The following FTCDNL1 variants were observed in gnomAD, a reference collection of about 807,000 sequenced individuals.
FTCDNL1 encodes the protein formiminotransferase N-terminal subdomain-containing protein.
A neutral mutation model predicts 5.9 loss-of-function variants in FTCDNL1; 11 were observed. The ratio of observed to expected loss-of-function variants is 1.87; its 90% confidence interval spans 1.18 to 3.10. The LOEUF (loss-of-function observed/expected upper bound fraction) is 3.10. FTCDNL1 is among the 30% of genes most tolerant of loss of function. FTCDNL1 has a pLI of 0.00. For missense variants in FTCDNL1, 115 were observed against 65.5 expected (o/e 1.76, Z -2.61); for synonymous variants, 58 against 24.8 (o/e 2.34, Z -3.99).
intron 3 of FTCDNL1, among the ~76,000 whole-genome samples, chr2:199,835,483 G>A (rs1559237204): frequency 2.0e-5 from 3 of 151,900 alleles, no homozygotes; most frequent in Admixed American, 1.3e-4. Flanking sequence ...TGAGTCTCCC[G>A]AGAAGCACAC....
chr2:199,816,145 T>G (rs553968080), intron 4 of FTCDNL1, among the ~76,000 whole-genome samples: 1 of 152,354 alleles, frequency 6.6e-6, no homozygotes, highest in East Asian at 1.9e-4. Context: ...TATTAGAAAC[T>G]AATTGTTTAT....
the FTCDNL1 span, among the ~76,000 whole-genome samples, chr2:199,721,521 A>C: frequency 1.3e-5 from 2 of 152,160 alleles, no homozygotes. Context: ...CATCCAGTCT[A>C]TCATTAATGG....
the FTCDNL1 span, among the ~76,000 whole-genome samples, chr2:199,692,806 T>C: frequency 6.6e-6 from 1 of 152,204 alleles, no homozygotes; most frequent in Admixed American, 6.5e-5. Context: ...GATGAGTTAG[T>C]AATACAGCTG....
At position 199,771,123 on chromosome 2, in the gene FTCDNL1, G is replaced by A. The variant is rs569918218; in HGVS notation, c.212-10288C>T. On this transcript the variant is annotated intron_variant, in intron 3 of 3. Coordinates refer to the FTCDNL1 transcript ENST00000416668. ...TTCTGATAGAGAATGACAGGCATGC[G>A]CATTCATGGATTAGCCACCTTAGTT... Among the ~76,000 whole-genome samples, 134 of 152,296 alleles carry A rather than the reference G, an allele frequency of 8.8e-4. 1 individual carries two copies. Among genetic ancestry groups the A allele is most frequent in the African/African-American group, 3.0e-3 (124 of 41,574 alleles).
chr2:199,712,462 A>G, the FTCDNL1 span, among the ~76,000 whole-genome samples: 1 of 152,342 alleles, frequency 6.6e-6, no homozygotes, highest in Non-Finnish European at 1.5e-5. Context: ...GTACTGTTCA[A>G]TTCTCCAGCT....
At chr2:199,716,992 T>A in the FTCDNL1 span, among the ~76,000 whole-genome samples, 1 of 151,840 alleles carries the variant, frequency 6.6e-6, no homozygotes, top group Non-Finnish European at 1.5e-5. Flanking sequence ...TTTCTCGGAG[T>A]GTTAGGTGTC....
In FTCDNL1 at chr2:199,809,575, T is replaced by C. The variant is rs1409865950; in HGVS notation, c.*3130A>G. Among the ~76,000 whole-genome samples the C allele has an allele frequency of 4.6e-5, 7 of 152,210 alleles. No individual in the cohort carries two copies. The highest frequency in any genetic ancestry group is 6.5e-5 in the Admixed American group (1 of 15,278). On this transcript the variant is annotated 3_prime_UTR_variant, in exon 5 of 5. Transcript: ENST00000420128. ...AATTAAAATTGCCATCATTGACACA[T>C]AGCTTCTTTTAGTATACAAAAAGGC...
At chr2:199,745,362 C>A in the FTCDNL1 span, among the ~76,000 whole-genome samples, 3 of 152,314 alleles carry the variant, frequency 2.0e-5, no homozygotes, top group African/African-American at 7.2e-5. Flanking sequence ...CTTATTCTAA[C>A]GTGGCTCTCT....
the FTCDNL1 span, among the ~76,000 whole-genome samples, chr2:199,713,200 T>C: frequency 1.3e-5 from 2 of 152,196 alleles, no homozygotes; most frequent in South Asian, 2.1e-4. Context: ...GAAATTTTCC[T>C]TCATATAAAC....
chr2:199,782,710 A>G (rs76033756), intron 3 of FTCDNL1, among the ~76,000 whole-genome samples: 2,503 of 152,340 alleles, frequency 0.016, 26 homozygotes, highest in Middle Eastern at 0.024. Context: ...ATGTTAAAAC[A>G]GCAAGTTTCA....
intron 3 of FTCDNL1, among the ~76,000 whole-genome samples, chr2:199,803,958 C>CAA (rs1700596778): frequency 6.6e-6 from 1 of 152,144 alleles, no homozygotes; most frequent in Non-Finnish European, 1.5e-5. Context: ...AAGATAGCTA[C>CAA]AAATAATGAT....
At chr2:199,838,796 G>A (rs899140270) in intron 3 of FTCDNL1, among the ~76,000 whole-genome samples, 2 of 152,164 alleles carry the variant, frequency 1.3e-5, no homozygotes, top group East Asian at 1.9e-4. Flanking sequence ...CTGGGCTGGG[G>A]AATATGGACA....
In FTCDNL1 at chr2:199,850,782, A is replaced by T. The variant is rs996957450; in HGVS notation, c.-50T>A. ...ACCCCACCGGCACTTGGAGGCCGCA[A>T]GGACGCTCGCCAGGCTGCCGCAACG... On this transcript the variant is annotated 5_prime_UTR_variant, in exon 1 of 5. The change creates a new upstream start codon in the 5' untranslated region. Transcript: ENST00000420128. 1 of 152,338 alleles carries T rather than the reference A, an allele frequency of 6.6e-6. No individual in the cohort carries two copies. Among genetic ancestry groups the T allele is most frequent in the Non-Finnish European group, 1.5e-5 (1 of 68,158 alleles). The allele number at this position is 152,338 out of a possible 1,614,324, so 9.4% of individuals were successfully genotyped here. A position where few individuals can be genotyped will look rare whatever the true frequency, so the allele number is the denominator to read the frequency against.
chr2:199,823,962 T>C (rs1701858597), intron 3 of FTCDNL1, among the ~76,000 whole-genome samples: 1 of 152,204 alleles, frequency 6.6e-6, no homozygotes, highest in Non-Finnish European at 1.5e-5. Context: ...ATCTGTTTAG[T>C]GTAGCCACCT....
At chr2:199,793,772 C>T (rs970279757) in intron 3 of FTCDNL1, among the ~76,000 whole-genome samples, 3 of 152,172 alleles carry the variant, frequency 2.0e-5, no homozygotes, top group Non-Finnish European at 2.9e-5. Context: ...CGACCTAAGA[C>T]CAGCTGTAAT....
chr2:199,824,938 G>A (rs1218538518), intron 3 of FTCDNL1, among the ~76,000 whole-genome samples: 1 of 152,050 alleles, frequency 6.6e-6, no homozygotes, highest in Non-Finnish European at 1.5e-5. Context: ...AGGAGTTAGA[G>A]ACCAACCTGG....
the FTCDNL1 span, among the ~76,000 whole-genome samples, chr2:199,712,606 G>A: frequency 6.6e-6 from 1 of 152,208 alleles, no homozygotes; most frequent in African/African-American, 2.4e-5. Flanking sequence ...CAACACAAAT[G>A]TAGTCTCTCC....
chr2:199,791,125 A>C lies in FTCDNL1; in HGVS notation c.212-30290T>G, dbSNP rs1335085841. Among the ~76,000 whole-genome samples the C allele has an allele frequency of 4.6e-5, 7 of 152,218 alleles. No homozygotes were observed. In the East Asian group the frequency reaches 1.3e-3, roughly 29 times the overall value. ...GAATAAATAGGAACTATTACGTATC[A>C]ATTAATTCAGAACTATTTCCATGAA... On this transcript the variant is annotated intron_variant, in intron 3 of 3. Transcript: ENST00000416668.
intron 3 of FTCDNL1, among the ~76,000 whole-genome samples, chr2:199,767,282 T>C (rs1049431747): frequency 3.9e-5 from 6 of 152,212 alleles, no homozygotes; most frequent in Admixed American, 2.6e-4. Flanking sequence ...GTCTGAGAAC[T>C]CAGGGCTTAG....
Sources: allele counts gnomAD v4.1 joint callset (sites outside exome capture counted in the v4.1 genomes callset), GRCh38; gene constraint gnomAD v4.1.1; transcripts MANE v1.5; gene names NCBI Gene and HGNC (gene_info 2026-07-23, HGNC 2026-07-21).